Variants in TXNDC11 observed in about 807,000 individuals in gnomAD.
TXNDC11 encodes the protein thioredoxin domain containing 11, also known as thioredoxin domain-containing protein 11.
TXNDC11 carries 68 observed loss-of-function variants against 78.0 expected under a neutral mutation model. The observed-to-expected ratio is 0.87, with a 90% CI of 0.72 to 1.07. The LOEUF is 1.07. TXNDC11 is among the 50% of genes least tolerant of loss of function. The pLI is 0.00. For synonymous variants in TXNDC11, 571 were observed against 495.2 expected (o/e 1.15, Z -2.03); for missense variants, 1,389 against 1,221.8 (o/e 1.14, Z -2.04).
chr16:11,680,540 G>A (rs749013203), intron 11 of TXNDC11, among the ~76,000 whole-genome samples: 35 of 152,224 alleles, frequency 2.3e-4, no homozygotes, highest in Middle Eastern at 3.2e-3. Flanking sequence ...CTGATCTAGA[G>A]ATCTAGAAAA....
chr16:11,733,942 A>G, intron 3 of TXNDC11, 40 bp downstream of exon 3: 1 of 1,443,342 alleles, frequency 6.9e-7, no homozygotes, highest in Non-Finnish European at 9.7e-7. Context: ...AAACTGGCAA[A>G]CTAAACTGGA....
In TXNDC11 at chr16:11,691,571, T is replaced by C. The variant is rs1340917228; in HGVS notation, c.1619A>G (p.Lys540Arg). Residue 540 changes from lysine to arginine, a missense_variant, in exon 8 of 12, where the codon AAA becomes AGA. Physicochemically the swap from Lys to Arg is conservative, Grantham distance 26. Transcript: ENST00000283033. ...GGAGCTTGGGGCATCAACCTCACAT[T>C]TCTTCTCAAGGGAAGAAAATGCAAC... ...PTVAFSSLEK[K>R]CEVDAPSSVP... 6.2e-7 allele frequency: 1 copy of C among 1,614,224 alleles called. No individual in the cohort carries two copies. Among genetic ancestry groups the C allele is most frequent in the Non-Finnish European group, 8.5e-7 (1 of 1,180,054 alleles).
intron 6 of TXNDC11, among the ~76,000 whole-genome samples, chr16:11,699,608 A>C (rs1422394471): frequency 6.6e-6 from 1 of 152,276 alleles, no homozygotes; most frequent in Non-Finnish European, 1.5e-5. Context: ...CATCTGGGCT[A>C]CGAGAGATAT....
Position 11,742,756 on chromosome 16 carries a change from T to C in TXNDC11, c.-26A>G, listed in dbSNP as rs757488322. 1.3e-5 allele frequency: 19 copies of C among 1,438,048 alleles called. No individual in the cohort carries two copies. Among genetic ancestry groups the C allele is most frequent in the South Asian group, 7.3e-5 (5 of 68,660 alleles). The allele number at this position is 1,438,048 out of a possible 1,614,324, so 89.1% of individuals were successfully genotyped here. ...TACATGCTCCCAGTCGCCGGCTTTA[T>C]ACCGCCGCCGCCGCCTCGGGCCCGA... On this transcript the variant is annotated 5_prime_UTR_variant, in exon 1 of 12. Transcript: ENST00000283033.
intron 3 of TXNDC11, among the ~76,000 whole-genome samples, 176 bp from the exon 4 acceptor site, chr16:11,730,950 G>T (rs371207622): frequency 6.6e-6 from 1 of 152,280 alleles, no homozygotes; most frequent in South Asian, 2.1e-4. Flanking sequence ...AGAGAATTAA[G>T]AACAAGCATT....
intron 1 of TXNDC11, among the ~76,000 whole-genome samples, chr16:11,737,427 T>C (rs1350067948): frequency 6.9e-6 from 1 of 144,602 alleles, no homozygotes; most frequent in African/African-American, 2.6e-5. Context: ...CCTAGGTGAC[T>C]AGAACAAAAC....
Position 11,688,424 on chromosome 16 carries a change from C to G in TXNDC11, c.1922G>C (p.Ser641Thr), listed in dbSNP as rs2050623444. 3.7e-6 allele frequency: 6 copies of G among 1,610,688 alleles called. No individual in the cohort carries two copies. The South Asian group carries it at 6.6e-5, about 18-fold the overall frequency. Residue 641 changes from serine to threonine, a missense_variant, in exon 9 of 12, where the codon AGC (serine) becomes ACC (threonine). Ser to Thr is a moderately conservative substitution (Grantham distance 58, BLOSUM62 1). Transcript: ENST00000283033. ...LTLESFIQNF[S>T]VLYSPLKRHL... The stretch of plus-strand genomic sequence containing the variant: ...CCTTTTCAAGGGACTATAGAGAACG[C>G]TGAAGTTTTGAATAAAAGACTCTAA...
intron 5 of TXNDC11, among the ~76,000 whole-genome samples, chr16:11,714,422 C>T (rs1459349103): frequency 3.3e-5 from 5 of 152,180 alleles, no homozygotes; most frequent in Admixed American, 1.3e-4. Context: ...GGGCGGATCA[C>T]GAGGTCGGGG....
chr16:11,706,832 G>A (rs1209406751), intron 5 of TXNDC11, among the ~76,000 whole-genome samples: 1 of 152,152 alleles, frequency 6.6e-6, no homozygotes. Flanking sequence ...TTTGGACAAC[G>A]TTTTAATATA....
chr16:11,721,268 A>G (rs565838993), intron 5 of TXNDC11: 7 of 210,490 alleles, frequency 3.3e-5, no homozygotes, highest in African/African-American at 9.5e-5. Flanking sequence ...GCAAAACCCC[A>G]TATCTACTAA....
chr16:11,687,794 A>T, intron 10 of TXNDC11, 63 bp downstream of exon 10: 1 of 1,130,602 alleles, frequency 8.8e-7, no homozygotes, highest in Non-Finnish European at 1.3e-6. Flanking sequence ...CCATATGGCT[A>T]AGCTGCAAAT....
At chr16:11,690,011 C>T (rs2050666179) in intron 8 of TXNDC11, 2 of 152,168 alleles carry the variant, frequency 1.3e-5, no homozygotes, top group African/African-American at 2.4e-5. Flanking sequence ...ACAAATGTGT[C>T]TAATGTAAGA....
rs149762964 is a variant in TXNDC11, at chr16:11,689,234, G to A, written c.1901-789C>T. ...CTCCAGAGTAGCTGGGACTACAGGC[G>A]TCCACCATTGCACTCAGCTAAAGTT... On this transcript the variant is annotated intron_variant, in intron 8 of 11. Coordinates refer to ENST00000283033, the MANE Select transcript of TXNDC11 (RefSeq NM_015914.7). 6.0e-4 allele frequency among the ~76,000 whole-genome samples: 91 copies of A among 152,086 alleles called. 2 individuals carry two copies. The East Asian group carries it at 0.015, about 25-fold the overall frequency.
chr16:11,709,290 C>A (rs1042009665), intron 5 of TXNDC11, among the ~76,000 whole-genome samples: 1 of 145,082 alleles, frequency 6.9e-6, no homozygotes, highest in Non-Finnish European at 1.5e-5. Context: ...CTCGCACTGT[C>A]GCCCAGGCCT....
Position 11,721,618 on chromosome 16 carries a change from T to C in TXNDC11, c.752A>G (p.Tyr251Cys). 1 of 1,612,632 alleles carries C rather than the reference T, an allele frequency of 6.2e-7. No homozygotes were observed. Among genetic ancestry groups the C allele is most frequent in the South Asian group, 1.1e-5 (1 of 91,036 alleles). The change falls in exon 5 of 12, where the codon TAT becomes TGT. Residue 251 changes from tyrosine (Y) to cysteine (C), a missense_variant. By Grantham distance (194) the Tyr-to-Cys change is radical. Transcript: ENST00000283033. ...EFSGSPQPPGYLTFFTSALHS... is the reference protein window; with the variant it reads ...EFSGSPQPPGCLTFFTSALHS... ...TAATGCTGAGGTGAAGAAGGTCAAA[T>C]AACCAGGAGGCTGGGGTGAGCCACT...
At chr16:11,730,540 G>A in intron 4 of TXNDC11, 105 bp downstream of exon 4, 1 of 1,195,608 alleles carries the variant, frequency 8.4e-7, no homozygotes, top group South Asian at 1.6e-5. Context: ...CCTTTTACTT[G>A]CTGCAATTCA....
At chr16:11,710,177 C>G (rs1299247217) in intron 5 of TXNDC11, among the ~76,000 whole-genome samples, 2 of 147,830 alleles carry the variant, frequency 1.4e-5, no homozygotes, top group Admixed American at 7.0e-5. Context: ...TGAAAAACTT[C>G]CCTTGTATGC....
At chr16:11,734,266 T>C (rs1205706664) in intron 2 of TXNDC11, among the ~76,000 whole-genome samples, 187 bp from the exon 3 acceptor site, 1 of 152,236 alleles carries the variant, frequency 6.6e-6, no homozygotes, top group Non-Finnish European at 1.5e-5. Context: ...CATACTCTTA[T>C]CTATGATGTC....
intron 10 of TXNDC11, among the ~76,000 whole-genome samples, chr16:11,685,648 CAAAAAAAAAAACA>C (rs1296455272): frequency 7.0e-6 from 1 of 142,128 alleles, no homozygotes; most frequent in Non-Finnish European, 1.5e-5. Flanking sequence ...GACTCCATCT[CAAAAAAAAAAACA>C]AAAACAAAAA....
Sources: gnomAD v4.1 joint callset for allele counts (sites outside exome capture counted in the v4.1 genomes callset) on GRCh38, gnomAD v4.1.1 for gene constraint, MANE v1.5 for transcripts, NCBI Gene and HGNC (gene_info 2026-07-23, HGNC 2026-07-21) for gene names.